The following OTUD7A variants were observed in gnomAD, a reference collection of about 807,000 sequenced individuals.
OTUD7A encodes the protein OTU domain-containing protein 7A.
In OTUD7A, 12 loss-of-function variants were observed where a neutral mutation model predicts 65.7. The observed-to-expected ratio is 0.18, with a 90% CI of 0.12 to 0.30. OTUD7A has a LOEUF of 0.30. Ranked by LOEUF, OTUD7A falls within the 10% of genes least tolerant of loss-of-function variation. The pLI, the probability that OTUD7A is intolerant of heterozygous loss-of-function variation, is 1.00. For synonymous variants in OTUD7A, 641 were observed against 586.3 expected (o/e 1.09, Z -1.35); for missense variants, 1,148 against 1,304.8 (o/e 0.88, Z 1.85).
At chr15:31,841,803 G>A (rs956017911) in intron 1 of OTUD7A, among the ~76,000 whole-genome samples, 13 of 152,136 alleles carry the variant, frequency 8.5e-5, no homozygotes, top group African/African-American at 3.1e-4. Flanking sequence ...GCTTCTACCT[G>A]CTGGAAAGAG....
chr15:31,734,454 A>AT (rs1894130697), intron 1 of OTUD7A, among the ~76,000 whole-genome samples: 1 of 152,206 alleles, frequency 6.6e-6, no homozygotes, highest in African/African-American at 2.4e-5. Flanking sequence ...CAAGATAATC[A>AT]TAAGCAAAAA....
chr15:31,797,311 A>G (rs1895992801), intron 1 of OTUD7A, among the ~76,000 whole-genome samples: 1 of 152,240 alleles, frequency 6.6e-6, no homozygotes, highest in South Asian at 2.1e-4. Context: ...GTCACAAAAC[A>G]GAACACAAAC....
chr15:31,592,111 C>G (rs1336287943), intron 3 of OTUD7A, among the ~76,000 whole-genome samples: 2 of 152,202 alleles, frequency 1.3e-5, no homozygotes, highest in African/African-American at 2.4e-5. Context: ...CTGGATGAGT[C>G]AGTGAGTGAG....
chr15:31,841,841 A>G (rs753639753), intron 1 of OTUD7A, among the ~76,000 whole-genome samples: 4 of 152,298 alleles, frequency 2.6e-5, no homozygotes, highest in South Asian at 2.1e-4. Context: ...AATATGTCCT[A>G]TGCTGAAGAC....
chr15:31,698,189 T>G (rs1893128122), intron 1 of OTUD7A, among the ~76,000 whole-genome samples: 1 of 152,290 alleles, frequency 6.6e-6, no homozygotes, highest in Admixed American at 6.5e-5. Context: ...AGTCCCTTAT[T>G]CTCTGGTTAT....
In OTUD7A at chr15:31,483,591, G is replaced by A; in HGVS notation, c.2505C>T (p.Arg835=). Residue 835 remains arginine, a synonymous_variant, in exon 13 of 13, where the codon CGC becomes CGT. Transcript: ENST00000307050. ...CGCCCGGTAGGGCCCCGGGCACCGC[G>A]CGCGCCAGCGACTCGACCGTGTTGA... ...RTVNTVESLA[R]AVPGALPGAA... is the part of the protein sequence containing the mutation. 8.1e-7 allele frequency: 1 copy of A among 1,232,254 alleles called. No individual in the cohort carries two copies. The highest frequency in any genetic ancestry group is 1.0e-6 in the Non-Finnish European group (1 of 990,552). The allele number at this position is 1,232,254 out of a possible 1,614,324, so 76.3% of individuals were successfully genotyped here. A position where few individuals can be genotyped will look rare whatever the true frequency, so the allele number is the denominator to read the frequency against.
At chr15:31,665,502 C>T (rs1892294635) in intron 1 of OTUD7A, among the ~76,000 whole-genome samples, 2 of 152,186 alleles carry the variant, frequency 1.3e-5, no homozygotes, top group South Asian at 4.1e-4. Flanking sequence ...AATTTGTGTA[C>T]ATTAATCTTG....
chr15:31,638,554 AGG>A, intron 3 of OTUD7A, among the ~76,000 whole-genome samples: 1 of 144,088 alleles, frequency 6.9e-6, no homozygotes, highest in African/African-American at 2.6e-5. Flanking sequence ...TGATTTTTGT[AGG>A]TTTTTGTTTT....
intron 3 of OTUD7A, among the ~76,000 whole-genome samples, chr15:31,623,462 T>G (rs1890860608): frequency 6.6e-6 from 1 of 152,228 alleles, no homozygotes; most frequent in African/African-American, 2.4e-5. Flanking sequence ...GCCTGAGCAA[T>G]GGCGGGCGCC....
chr15:31,655,791 A>G (rs927897671), intron 2 of OTUD7A, among the ~76,000 whole-genome samples: 5 of 152,224 alleles, frequency 3.3e-5, no homozygotes, highest in African/African-American at 1.2e-4. Context: ...CTGATGAGGA[A>G]AAAAGACTAT....
chr15:31,532,864 G>A lies in OTUD7A; in HGVS notation c.551-2056C>T, dbSNP rs139123146. On this transcript the variant is annotated intron_variant, in intron 5 of 12. Coordinates refer to ENST00000307050, the MANE Select transcript of OTUD7A (RefSeq NM_001382637.1). ...CAGGAGAATGGCGTGAACCTGGGAG[G>A]TGGAGCTTGTAGGGAGCCGAAATCG... Among the ~76,000 whole-genome samples, 111 of 151,362 alleles carry A rather than the reference G, an allele frequency of 7.3e-4. 3 individuals are homozygous for A. In the East Asian group the frequency reaches 8.4e-3, roughly 11 times the overall value.
chr15:31,495,687 G>A (rs2041372848), intron 10 of OTUD7A, among the ~76,000 whole-genome samples: 1 of 152,172 alleles, frequency 6.6e-6, no homozygotes, highest in Non-Finnish European at 1.5e-5. Context: ...ATCTTTCAGT[G>A]GCAACTGACA....
rs527847437 is a variant in OTUD7A at position 31,691,197 on chromosome 15, A to G, written c.-99-34120T>C. On this transcript the variant is annotated intron_variant, in intron 1 of 12. Coordinates refer to ENST00000307050, the MANE Select transcript of OTUD7A (RefSeq NM_001382637.1). ...GATTTACAGATTCAATGCAATTCCC[A>G]TCAAAATACCAATGACATTCTTCAC... Among the ~76,000 whole-genome samples, 651 of 152,234 alleles carry G rather than the reference A, an allele frequency of 4.3e-3. 5 individuals carry two copies. Among genetic ancestry groups the G allele is most frequent in the Middle Eastern group, 6.8e-3 (2 of 294 alleles).
intron 1 of OTUD7A, among the ~76,000 whole-genome samples, chr15:31,667,341 G>A (rs12324466): frequency 0.31 from 46,521 of 151,956 alleles, 8,334 homozygotes; most frequent in African/African-American, 0.49. Context: ...GGATTGTGAT[G>A]TTTTCCTGTT....
At chr15:31,546,298 C>G (rs1275639528) in intron 5 of OTUD7A, among the ~76,000 whole-genome samples, 6 of 152,170 alleles carry the variant, frequency 3.9e-5, no homozygotes. Context: ...GACAAAGTTG[C>G]AACAGCTTGT....
intron 1 of OTUD7A, among the ~76,000 whole-genome samples, chr15:31,688,728 G>A (rs1357562995): frequency 6.6e-6 from 1 of 152,102 alleles, no homozygotes; most frequent in Non-Finnish European, 1.5e-5. Flanking sequence ...AAATGATTCA[G>A]ACAAAAAGAA....
chr15:31,573,811 G>A (rs1889123116), intron 3 of OTUD7A, among the ~76,000 whole-genome samples: 1 of 152,236 alleles, frequency 6.6e-6, no homozygotes, highest in Non-Finnish European at 1.5e-5. Context: ...TGAGGTACAA[G>A]CATTGCTTGA....
chr15:31,783,864 C>T (rs1330567642), intron 1 of OTUD7A, among the ~76,000 whole-genome samples: 2 of 152,172 alleles, frequency 1.3e-5, no homozygotes, highest in Non-Finnish European at 1.5e-5. Context: ...ATGTAGTGAG[C>T]CTGTCACTTT....
At chr15:31,630,776 T>C (rs1891121421) in intron 3 of OTUD7A, among the ~76,000 whole-genome samples, 1 of 152,264 alleles carries the variant, frequency 6.6e-6, no homozygotes, top group Non-Finnish European at 1.5e-5. Context: ...TGCTCCTGTA[T>C]TGGGTGCATA....
Sources: allele counts gnomAD v4.1 joint callset (sites outside exome capture counted in the v4.1 genomes callset), GRCh38; gene constraint gnomAD v4.1.1; transcripts MANE v1.5; gene names NCBI Gene and HGNC (gene_info 2026-07-23, HGNC 2026-07-21).